The following SLC30A8 variants were observed in gnomAD, a reference collection of about 807,000 sequenced individuals.
SLC30A8 encodes the protein solute carrier family 30 member 8, also known as proton-coupled zinc antiporter SLC30A8.
A neutral mutation model predicts 36.9 loss-of-function variants in SLC30A8; 27 were observed. The ratio of observed to expected loss-of-function variants is 0.73; its 90% CI spans 0.54 to 1.01. The LOEUF is 1.01. Among genes scored for constraint, SLC30A8 ranks in the 50% least tolerant of loss-of-function variants. SLC30A8 has a pLI of 0.00. For synonymous variants in SLC30A8, 164 were observed against 172.4 expected (o/e 0.95, Z 0.38); for missense variants, 439 against 452.0 (o/e 0.97, Z 0.26).
intron 1 of SLC30A8, among the ~76,000 whole-genome samples, chr8:116,999,569 G>C (rs186138375): frequency 2.0e-5 from 3 of 152,154 alleles, no homozygotes; most frequent in African/African-American, 7.2e-5. Context: ...AAGAAAACTA[G>C]CATTAAGAAA....
intron 1 of SLC30A8, among the ~76,000 whole-genome samples, chr8:116,956,280 A>G (rs1480564490): frequency 6.6e-6 from 1 of 152,206 alleles, no homozygotes; most frequent in Non-Finnish European, 1.5e-5. Context: ...GAGGGGTTCA[A>G]GGGACAGGCT....
intron 1 of SLC30A8, among the ~76,000 whole-genome samples, chr8:116,956,586 GTATATC>G (rs1814213079): frequency 6.6e-6 from 1 of 152,028 alleles, no homozygotes. Context: ...AAAAAACAGT[GTATATC>G]TATATAATAG....
At chr8:117,006,962 T>G (rs1258640071) in intron 1 of SLC30A8, 2 of 84,902 alleles carry the variant, frequency 2.4e-5, no homozygotes, top group African/African-American at 4.4e-5. Context: ...CTTGTTTTTT[T>G]TTTTTTTTTT....
At chr8:116,964,488 C>A (rs1563725165) in intron 1 of SLC30A8, among the ~76,000 whole-genome samples, 1 of 152,274 alleles carries the variant, frequency 6.6e-6, no homozygotes, top group East Asian at 1.9e-4. Context: ...GGGGGGCAGC[C>A]AGCTCCTATT....
At chr8:117,080,785 T>C (rs1465087126) in intron 2 of SLC30A8, among the ~76,000 whole-genome samples, 1 of 152,228 alleles carries the variant, frequency 6.6e-6, no homozygotes, top group African/African-American at 2.4e-5. Flanking sequence ...TGAATAGTGC[T>C]GCAATGAACA....
At chr8:116,981,906 C>T (rs1437178363) in intron 1 of SLC30A8, among the ~76,000 whole-genome samples, 1 of 152,100 alleles carries the variant, frequency 6.6e-6, no homozygotes, top group African/African-American at 2.4e-5. Context: ...ATGATAGAAT[C>T]ATTTACATTC....
intron 1 of SLC30A8, among the ~76,000 whole-genome samples, chr8:117,004,916 A>G (rs1184960060): frequency 2.6e-5 from 4 of 151,836 alleles, no homozygotes; most frequent in African/African-American, 7.3e-5. Context: ...AGGTTGATAT[A>G]TTTTTCCAGG....
chr8:117,109,805 T>C (rs924450115), intron 2 of SLC30A8, among the ~76,000 whole-genome samples: 1 of 152,138 alleles, frequency 6.6e-6, no homozygotes, highest in African/African-American at 2.4e-5. Flanking sequence ...AGAGCCTTAG[T>C]GCTGTTAAGG....
intron 4 of SLC30A8, among the ~76,000 whole-genome samples, chr8:117,160,453 G>A (rs1022410381): frequency 2.0e-5 from 3 of 151,780 alleles, no homozygotes; most frequent in East Asian, 1.9e-4. Flanking sequence ...ATGTGCGCGC[G>A]GTGGGGGAGT....
chr8:117,053,036 C>T (rs1817758210), intron 2 of SLC30A8, among the ~76,000 whole-genome samples: 1 of 151,988 alleles, frequency 6.6e-6, no homozygotes, highest in South Asian at 2.1e-4. Context: ...GCCTCAGCCT[C>T]CCAAGTAACT....
At chr8:117,083,492 G>A (rs1329224038) in intron 2 of SLC30A8, among the ~76,000 whole-genome samples, 1 of 152,076 alleles carries the variant, frequency 6.6e-6, no homozygotes, top group Non-Finnish European at 1.5e-5. Context: ...CTCCCTTTTG[G>A]GTTGGTCAAG....
intron 1 of SLC30A8, among the ~76,000 whole-genome samples, chr8:117,146,597 A>ATT (rs145211837): frequency 6.6e-6 from 1 of 152,158 alleles, no homozygotes; most frequent in East Asian, 1.9e-4. Flanking sequence ...TTTTATTATT[A>ATT]TTTTTTTGTA....
At chr8:117,084,326 C>T (rs191437579) in intron 2 of SLC30A8, among the ~76,000 whole-genome samples, 6 of 152,200 alleles carry the variant, frequency 3.9e-5, no homozygotes, top group Non-Finnish European at 5.9e-5. Context: ...ATTAGGAAAC[C>T]ATGTTCCCCA....
At chr8:117,074,235 T>C (rs1470418829) in intron 2 of SLC30A8, among the ~76,000 whole-genome samples, 2 of 152,204 alleles carry the variant, frequency 1.3e-5, no homozygotes, top group African/African-American at 2.4e-5. Context: ...TTAGATTTAC[T>C]CAATTTGAAG....
At chr8:117,010,862 C>G (rs545195321) in intron 1 of SLC30A8, among the ~76,000 whole-genome samples, 2 of 152,268 alleles carry the variant, frequency 1.3e-5, no homozygotes, top group Admixed American at 1.3e-4. Flanking sequence ...AAACAACCAG[C>G]TCTTGTGAGA....
chr8:117,037,021 A>AT (rs11426513), intron 1 of SLC30A8, among the ~76,000 whole-genome samples: 67,535 of 151,992 alleles, frequency 0.44, 15,196 homozygotes, highest in South Asian at 0.55. Context: ...TAGCACATCA[A>AT]TTTTTAAATT....
intron 1 of SLC30A8, among the ~76,000 whole-genome samples, chr8:116,977,834 T>C (rs184752743): frequency 2.8e-4 from 42 of 152,272 alleles, no homozygotes; most frequent in African/African-American, 9.1e-4. Flanking sequence ...CTATTGGATG[T>C]GGGGGAAGGG....
rs200928039 is a variant in SLC30A8 at position 117,172,533 on chromosome 8, C to T, written c.965-3C>T. On this transcript the variant is annotated splice_region_variant and splice_polypyrimidine_tract_variant and intron_variant, in intron 7 of 7. Coordinates refer to ENST00000456015, the MANE Select transcript of SLC30A8 (RefSeq NM_173851.3). ...TAATCTCCCTGTGCTTCTTTATCAA[C>T]AGCAGCCAGCCGGGACAGCCAAGTG... The T allele has an allele frequency of 2.3e-4, 376 of 1,613,630 alleles. 2 individuals are homozygous for T. In the East Asian group the frequency reaches 4.6e-3, roughly 20 times the overall value.
intron 1 of SLC30A8, among the ~76,000 whole-genome samples, chr8:116,957,659 A>C (rs1405881311): frequency 6.6e-6 from 1 of 152,130 alleles, no homozygotes; most frequent in Non-Finnish European, 1.5e-5. Context: ...TGAGACTCAA[A>C]ACTAGGGGAC....
Sources: gnomAD v4.1 joint callset for allele counts (sites outside exome capture counted in the v4.1 genomes callset) on GRCh38, gnomAD v4.1.1 for gene constraint, MANE v1.5 for transcripts, NCBI Gene and HGNC (gene_info 2026-07-23, HGNC 2026-07-21) for gene names.